Variants in GPC5 observed in about 807,000 individuals in gnomAD.
GPC5 encodes the protein glypican 5, also known as glypican-5.
GPC5 carries 47 observed loss-of-function variants against 53.9 expected under a neutral mutation model. The ratio of observed to expected loss-of-function variants is 0.87; its 90% CI spans 0.69 to 1.11. GPC5 has a LOEUF of 1.11. Among genes scored for constraint, GPC5 ranks in the 50% most tolerant of loss-of-function variants. The pLI is 0.00. For missense variants in GPC5, 748 were observed against 713.1 expected (o/e 1.05, Z -0.56); for synonymous variants, 286 against 263.3 (o/e 1.09, Z -0.84).
At chr13:92,789,322 G>C (rs1033492232) in intron 7 of GPC5, among the ~76,000 whole-genome samples, 1 of 152,106 alleles carries the variant, frequency 6.6e-6, no homozygotes, top group Non-Finnish European at 1.5e-5. Flanking sequence ...CTTTACCATA[G>C]GGTGATAAGA....
intron 7 of GPC5, among the ~76,000 whole-genome samples, chr13:92,756,840 A>G (rs1248405465): frequency 1.3e-5 from 2 of 150,578 alleles, no homozygotes; most frequent in African/African-American, 4.9e-5. Flanking sequence ...GAGGATACAA[A>G]CAAATGGAAG....
At chr13:92,576,548 C>A (rs367802272) in intron 7 of GPC5, among the ~76,000 whole-genome samples, 2 of 152,116 alleles carry the variant, frequency 1.3e-5, no homozygotes, top group South Asian at 4.1e-4. Flanking sequence ...AAATATCCTC[C>A]TTTGATGTCA....
At chr13:91,499,530 T>C (rs920809362) in intron 2 of GPC5, among the ~76,000 whole-genome samples, 2 of 152,232 alleles carry the variant, frequency 1.3e-5, no homozygotes, top group African/African-American at 4.8e-5. Context: ...CTTAACATTT[T>C]AGATTCAGCA....
intron 7 of GPC5, among the ~76,000 whole-genome samples, chr13:92,723,883 AAT>A (rs1430195750): frequency 6.6e-6 from 1 of 151,662 alleles, no homozygotes; most frequent in Non-Finnish European, 1.5e-5. Flanking sequence ...ATAGAAAAAC[AAT>A]AGAGTACTTT....
intron 4 of GPC5, among the ~76,000 whole-genome samples, chr13:91,745,390 C>T (rs759749814): frequency 5.9e-5 from 9 of 152,160 alleles, no homozygotes; most frequent in Middle Eastern, 6.8e-3. Context: ...CAAGAGAGTG[C>T]TAAACATGAA....
At chr13:92,779,450 A>G (rs1047712176) in intron 7 of GPC5, among the ~76,000 whole-genome samples, 6 of 149,846 alleles carry the variant, frequency 4.0e-5, no homozygotes, top group Non-Finnish European at 7.4e-5. Flanking sequence ...ACTACCTGCG[A>G]AAAAAAAAAT....
chr13:91,954,819 G>T (rs181750057), intron 6 of GPC5, among the ~76,000 whole-genome samples: 12 of 152,160 alleles, frequency 7.9e-5, no homozygotes, highest in Non-Finnish European at 1.6e-4. Flanking sequence ...ACTGACAAAT[G>T]ATGCAATTGT....
At chr13:92,422,529 CACAA>C (rs1265396541) in intron 7 of GPC5, among the ~76,000 whole-genome samples, 2,830 of 138,146 alleles carry the variant, frequency 0.02, 63 homozygotes, top group African/African-American at 0.045. Flanking sequence ...CACACACACA[CACAA>C]CTTCTTGGAA....
At chr13:92,134,959 A>T (rs762516242) in intron 6 of GPC5, among the ~76,000 whole-genome samples, 1 of 152,134 alleles carries the variant, frequency 6.6e-6, no homozygotes, top group Non-Finnish European at 1.5e-5. Flanking sequence ...ATAATGTTTG[A>T]CTATTAAGAA....
chr13:92,411,893 T>C (rs948531874), intron 7 of GPC5, among the ~76,000 whole-genome samples: 13 of 152,304 alleles, frequency 8.5e-5, no homozygotes, highest in African/African-American at 3.1e-4. Context: ...ATTAGGTTGG[T>C]GCAAAAGTAA....
rs1189619743 is a variant in GPC5, at chr13:91,498,072, C to T, written c.325+49150C>T. Among the ~76,000 whole-genome samples the T allele has an allele frequency of 2.9e-5, 4 of 136,308 alleles. No homozygotes were observed. In the South Asian group the frequency reaches 8.5e-4, roughly 29 times the overall value. The allele number at this position is 136,308 out of a possible 152,430, so 89.4% of individuals were successfully genotyped here. A position where few individuals can be genotyped will look rare whatever the true frequency, so the allele number is the denominator to read the frequency against. On this transcript the variant is annotated intron_variant, in intron 2 of 7. Coordinates refer to ENST00000377067, the MANE Select transcript of GPC5 (RefSeq NM_004466.6). ...CAAACCTCTTACCGTGGCCTCTAAGCCTTTTTTAATCTTAGATTTTTTTTT... is the reference window on the plus strand; with the variant it reads ...CAAACCTCTTACCGTGGCCTCTAAGTCTTTTTTAATCTTAGATTTTTTTTT...
At chr13:92,091,975 A>G (rs2041384809) in intron 6 of GPC5, among the ~76,000 whole-genome samples, 1 of 152,202 alleles carries the variant, frequency 6.6e-6, no homozygotes, top group Non-Finnish European at 1.5e-5. Flanking sequence ...AATTAAGTGG[A>G]TCTAAATAAA....
chr13:92,559,492 T>C (rs1338057761), intron 7 of GPC5, among the ~76,000 whole-genome samples: 7 of 151,598 alleles, frequency 4.6e-5, no homozygotes, highest in Non-Finnish European at 8.8e-5. Flanking sequence ...TAGAAGAGCC[T>C]AGCCAGGAGC....
intron 6 of GPC5, among the ~76,000 whole-genome samples, chr13:91,967,038 A>C (rs938028352): frequency 2.6e-5 from 4 of 152,226 alleles, no homozygotes; most frequent in African/African-American, 9.7e-5. Flanking sequence ...AGACTGAGTA[A>C]TTTATAAAGA....
At chr13:91,541,390 T>G (rs1422975021) in intron 2 of GPC5, among the ~76,000 whole-genome samples, 1 of 152,190 alleles carries the variant, frequency 6.6e-6, no homozygotes. Context: ...TCCTCTCTTC[T>G]GCACGGACTT....
rs560933125 is a variant in GPC5 at position 91,966,257 on chromosome 13, C to T, written c.1401+58200C>T. 5.3e-5 allele frequency among the ~76,000 whole-genome samples: 8 copies of T among 152,150 alleles called. No homozygotes were observed. In the South Asian group the frequency reaches 1.2e-3, roughly 24 times the overall value. Reference sequence around the variant, plus strand: ...ACTTACTTTAACATTTCCCTTTAGACTTAGTGCAGAAAAAGCATAGAAATA... The same window carrying T: ...ACTTACTTTAACATTTCCCTTTAGATTTAGTGCAGAAAAAGCATAGAAATA... On this transcript the variant is annotated intron_variant, in intron 6 of 7. Transcript: ENST00000377067.
intron 6 of GPC5, among the ~76,000 whole-genome samples, chr13:91,991,551 G>A (rs1435383235): frequency 6.6e-6 from 1 of 151,174 alleles, no homozygotes; most frequent in East Asian, 1.9e-4. Flanking sequence ...AAGGGATAAA[G>A]GAAGAATTTT....
At chr13:92,377,775 C>T (rs1268262930) in intron 7 of GPC5, among the ~76,000 whole-genome samples, 1 of 152,024 alleles carries the variant, frequency 6.6e-6, no homozygotes, top group Non-Finnish European at 1.5e-5. Flanking sequence ...TCAAAGAAAA[C>T]ATTAAATGGC....
rs559397287 is a variant in GPC5 at position 91,849,111 on chromosome 13, C to T, written c.1281-58826C>T. ...CTAGTATCTCTGCAACTCTTTCCTTCTACCTGTGTGCTGCAAACACATTGC... is the reference window on the plus strand; with the variant it reads ...CTAGTATCTCTGCAACTCTTTCCTTTTACCTGTGTGCTGCAAACACATTGC... On this transcript the variant is annotated intron_variant, in intron 5 of 7. Transcript: ENST00000377067. Among the ~76,000 whole-genome samples the T allele has an allele frequency of 2.6e-5, 4 of 152,302 alleles. No individual in the cohort carries two copies. The East Asian group carries it at 7.7e-4, about 29-fold the overall frequency.
Sources: gnomAD v4.1 joint callset for allele counts (sites outside exome capture counted in the v4.1 genomes callset) on GRCh38, gnomAD v4.1.1 for gene constraint, MANE v1.5 for transcripts, NCBI Gene and HGNC (gene_info 2026-07-23, HGNC 2026-07-21) for gene names.